The following RBFOX3 variants were observed in gnomAD, a reference collection of about 807,000 sequenced individuals.
The protein encoded by RBFOX3 is RNA binding protein fox-1 homolog 3.
Under a neutral mutation model 48.7 loss-of-function variants are expected in RBFOX3, and 17 were observed. That is an observed-to-expected ratio of 0.35 (90% CI 0.24 to 0.52). The LOEUF is 0.52. Ranked by LOEUF, RBFOX3 falls within the 20% of genes least tolerant of loss-of-function variation. The probability of loss-of-function intolerance (pLI) is 0.94; values close to 1 mark genes in which losing one functional copy is unlikely to be tolerated. For missense variants in RBFOX3, 382 were observed against 497.5 expected, an observed-to-expected ratio of 0.77 and a Z score of 2.21; for synonymous variants, 212 against 209.5, an observed-to-expected ratio of 1.01 and a Z score of -0.10.
intron 4 of RBFOX3, among the ~76,000 whole-genome samples, chr17:79,156,150 G>A (rs892507224): frequency 3.3e-5 from 5 of 152,204 alleles, no homozygotes; most frequent in Admixed American, 6.5e-5. Flanking sequence ...GGATGCGCCC[G>A]CCTCATTTGC....
intron 1 of RBFOX3, among the ~76,000 whole-genome samples, chr17:79,596,352 TC>T (rs1384917923): frequency 6.6e-6 from 1 of 152,152 alleles, no homozygotes; most frequent in East Asian, 1.9e-4. Flanking sequence ...GGGTCCTTGT[TC>T]CTCTGACAGC....
intron 4 of RBFOX3, among the ~76,000 whole-genome samples, chr17:79,203,135 G>A (rs2057010880): frequency 6.6e-6 from 1 of 151,506 alleles, no homozygotes; most frequent in Admixed American, 6.6e-5. Flanking sequence ...GTGGCCCCTC[G>A]GGATAGGATT....
chr17:79,124,913 C>T (rs1345143623), intron 4 of RBFOX3, among the ~76,000 whole-genome samples: 1 of 151,012 alleles, frequency 6.6e-6, no homozygotes, highest in East Asian at 2.0e-4. Context: ...GTGGACTGAC[C>T]TTGTCTCGGG....
rs115973230 is a variant in RBFOX3, at chr17:79,410,120, C to T, written c.-175+72334G>A. On this transcript the variant is annotated intron_variant, in intron 2 of 14. Coordinates refer to ENST00000693108, the MANE Select transcript of RBFOX3 (RefSeq NM_001350451.2). The stretch of plus-strand genomic sequence containing the variant: ...CACCTGGACAGTGAACAGCTGTTCC[C>T]GTGCCTGCTGCCTCAGCTCAGCATG... 4.0e-3 allele frequency among the ~76,000 whole-genome samples: 605 copies of T among 152,362 alleles called. 5 individuals are homozygous for T. Among genetic ancestry groups the T allele is most frequent in the African/African-American group, 0.014 (585 of 41,588 alleles).
At chr17:79,229,922 G>A (rs1213971596) in intron 4 of RBFOX3, among the ~76,000 whole-genome samples, 1 of 152,164 alleles carries the variant, frequency 6.6e-6, no homozygotes, top group African/African-American at 2.4e-5. Context: ...GACATGGGAC[G>A]GCAGGTTTCA....
intron 14 of RBFOX3, chr17:79,092,399 A>G: frequency 3.0e-6 from 3 of 985,740 alleles, no homozygotes; most frequent in Non-Finnish European, 3.6e-6. Flanking sequence ...AGACACACAC[A>G]CCAGCACAGG....
At chr17:79,580,255 TC>T (rs1447769211) in intron 1 of RBFOX3, among the ~76,000 whole-genome samples, 2 of 50,974 alleles carry the variant, frequency 3.9e-5, no homozygotes, top group Non-Finnish European at 8.0e-5. Flanking sequence ...CTCCTCCTCC[TC>T]CCCCCGTCCT....
chr17:79,581,800 G>A (rs1481941625), intron 1 of RBFOX3, among the ~76,000 whole-genome samples: 2 of 152,242 alleles, frequency 1.3e-5, no homozygotes, highest in African/African-American at 4.8e-5. Context: ...AGAGGGATTT[G>A]GCATGGTTTT....
chr17:79,187,503 G>T (rs1318562186), intron 4 of RBFOX3, among the ~76,000 whole-genome samples: 3 of 152,194 alleles, frequency 2.0e-5, no homozygotes, highest in Non-Finnish European at 2.9e-5. Flanking sequence ...TCCTGCCCCA[G>T]CCCTGGGGTA....
chr17:79,218,843 G>C (rs2612755), intron 4 of RBFOX3, among the ~76,000 whole-genome samples: 82,662 of 152,092 alleles, frequency 0.54, 23,648 homozygotes, highest in Non-Finnish European at 0.64. Flanking sequence ...GGAGCACCCG[G>C]GCACATCCTT....
chr17:79,450,545 T>C (rs986457366), intron 2 of RBFOX3, among the ~76,000 whole-genome samples: 1 of 151,730 alleles, frequency 6.6e-6, no homozygotes, highest in Non-Finnish European at 1.5e-5. Context: ...CTTCTGATTT[T>C]TTTTTTTATA....
intron 2 of RBFOX3, among the ~76,000 whole-genome samples, chr17:79,389,779 C>T (rs1232700534): frequency 2.0e-5 from 3 of 152,166 alleles, no homozygotes; most frequent in Admixed American, 6.5e-5. Flanking sequence ...TTCATCAGCA[C>T]GAATTAATTT....
At chr17:79,261,480 G>A (rs931337274) in intron 3 of RBFOX3, among the ~76,000 whole-genome samples, 2 of 152,250 alleles carry the variant, frequency 1.3e-5, no homozygotes, top group Admixed American at 1.3e-4. Flanking sequence ...GAGGATGCAG[G>A]TGGAGGCGCT....
chr17:79,237,595 C>T (rs895472087), intron 3 of RBFOX3, among the ~76,000 whole-genome samples: 3 of 152,234 alleles, frequency 2.0e-5, no homozygotes, highest in Admixed American at 6.5e-5. Flanking sequence ...ACAGGGCCTG[C>T]CTTCCCTGCT....
intron 2 of RBFOX3, among the ~76,000 whole-genome samples, chr17:79,468,543 G>A (rs1486202436): frequency 6.6e-6 from 1 of 152,040 alleles, no homozygotes; most frequent in East Asian, 1.9e-4. Context: ...GTAGCAGATA[G>A]GCAGGCAGGC....
intron 2 of RBFOX3, among the ~76,000 whole-genome samples, chr17:79,398,978 G>A (rs558450827): frequency 2.6e-4 from 40 of 152,304 alleles, no homozygotes; most frequent in African/African-American, 8.7e-4. Flanking sequence ...CACCATGACT[G>A]GTGTCCTTGT....
At position 79,390,485 on chromosome 17, in the gene RBFOX3, T is replaced by C. The variant is rs1219727424; in HGVS notation, c.-174-82661A>G. On this transcript the variant is annotated intron_variant, in intron 2 of 14. Coordinates refer to ENST00000693108, the MANE Select transcript of RBFOX3 (RefSeq NM_001350451.2). The surrounding 1 kb of genome is among the most constrained non-coding windows in gnomAD (Gnocchi z 4.2). ...ACAGTCTTTGCGCCACTGCTTTTTT[T>C]TTTTTTTTTTAGATGGAGTCTCGCT... is the stretch of plus-strand genomic sequence containing the variant. Among the ~76,000 whole-genome samples, 1 of 151,958 alleles carries C rather than the reference T, an allele frequency of 6.6e-6. No individual in the cohort carries two copies. Among genetic ancestry groups the C allele is most frequent in the Non-Finnish European group, 1.5e-5 (1 of 67,898 alleles).
chr17:79,598,484 A>G (rs2093626947), intron 1 of RBFOX3: 1 of 152,142 alleles, frequency 6.6e-6, no homozygotes, highest in African/African-American at 2.4e-5. Flanking sequence ...GGCTATAATT[A>G]TTTTAGCGTG....
rs1331557430 is a variant in RBFOX3, at chr17:79,311,191, G to C, written c.-174-3367C>G. The stretch of plus-strand genomic sequence containing the variant: ...CTCACGCCTATAATCCCAGCACTTT[G>C]GGAGGCCGAGGCGGGTAGATCACCT... On this transcript the variant is annotated intron_variant, in intron 2 of 14. Transcript: ENST00000693108. The surrounding 1 kb of genome is among the most constrained non-coding windows in gnomAD (Gnocchi z 4.2). 6.6e-6 allele frequency among the ~76,000 whole-genome samples: 1 copy of C among 152,174 alleles called. No homozygotes were observed. The highest frequency in any genetic ancestry group is 1.9e-4 in the East Asian group (1 of 5,192).
Sources: allele counts gnomAD v4.1 joint callset (sites outside exome capture counted in the v4.1 genomes callset), GRCh38; gene constraint gnomAD v4.1.1; non-coding constraint Gnocchi (gnomAD v3.1); transcripts MANE v1.5; gene names NCBI Gene and HGNC (gene_info 2026-07-23, HGNC 2026-07-21).